FHIT: variants seen among roughly 807,000 people sequenced by gnomAD.
FHIT encodes the protein fragile histidine triad diadenosine triphosphatase.
In FHIT, 19 loss-of-function variants were observed where a neutral mutation model predicts 17.9. The ratio of observed to expected loss-of-function variants is 1.06; its 90% CI spans 0.74 to 1.56. FHIT has a LOEUF of 1.56. Ranked by LOEUF, FHIT falls within the 40% of genes most tolerant of loss-of-function variation. The pLI, the probability that FHIT is intolerant of heterozygous loss-of-function variation, is 0.00. For synonymous variants in FHIT, 81 were observed against 69.7 expected, an observed-to-expected ratio of 1.16 and a Z score of -0.81; for missense variants, 248 against 189.2, an observed-to-expected ratio of 1.31 and a Z score of -1.82.
At chr3:60,435,479 G>C (rs1036473238) in intron 5 of FHIT, among the ~76,000 whole-genome samples, 1 of 151,922 alleles carries the variant, frequency 6.6e-6, no homozygotes, top group African/African-American at 2.4e-5. Context: ...TATGAAGAAT[G>C]GTGCACACGT....
At chr3:60,531,866 T>G (rs1198000151) in intron 5 of FHIT, among the ~76,000 whole-genome samples, 1 of 152,242 alleles carries the variant, frequency 6.6e-6, no homozygotes, top group Non-Finnish European at 1.5e-5. Flanking sequence ...TATTCCGTAT[T>G]AAAAGATATT....
intron 3 of FHIT, among the ~76,000 whole-genome samples, chr3:60,883,763 G>T (rs1705078758): frequency 6.6e-6 from 1 of 152,028 alleles, no homozygotes; most frequent in Non-Finnish European, 1.5e-5. Flanking sequence ...AAAACTAAGA[G>T]GAAAACATTG....
intron 1 of FHIT, among the ~76,000 whole-genome samples, chr3:61,210,340 C>T (rs1340867854): frequency 6.6e-6 from 1 of 152,216 alleles, no homozygotes; most frequent in Non-Finnish European, 1.5e-5. Context: ...AGCTGTCAGA[C>T]AGGGACATTT....
intron 4 of FHIT, among the ~76,000 whole-genome samples, chr3:60,784,414 G>A (rs1553726351): frequency 1.3e-5 from 2 of 149,822 alleles, no homozygotes; most frequent in Non-Finnish European, 2.9e-5. Context: ...TCAGCTGACT[G>A]CAGCCTCTGC....
chr3:60,684,418 G>A (rs1309784621), intron 4 of FHIT, among the ~76,000 whole-genome samples: 4 of 152,152 alleles, frequency 2.6e-5, no homozygotes, highest in South Asian at 2.1e-4. Context: ...CACACTCACC[G>A]AAGGCCACAT....
At chr3:60,673,791 C>G (rs1356079333) in intron 4 of FHIT, among the ~76,000 whole-genome samples, 1 of 151,986 alleles carries the variant, frequency 6.6e-6, no homozygotes, top group Non-Finnish European at 1.5e-5. Flanking sequence ...TGTTGTTCTC[C>G]TATATGTAAT....
At chr3:60,699,469 T>C (rs546436905) in intron 4 of FHIT, among the ~76,000 whole-genome samples, 38 of 152,316 alleles carry the variant, frequency 2.5e-4, no homozygotes, top group Admixed American at 2.2e-3. Context: ...TGATAACTAA[T>C]GGGGCTGAGA....
At chr3:59,953,873 C>T (rs1457639692) in intron 7 of FHIT, among the ~76,000 whole-genome samples, 1 of 152,234 alleles carries the variant, frequency 6.6e-6, no homozygotes, top group African/African-American at 2.4e-5. Context: ...ACCCCCTTCT[C>T]ATTGAGAGGT....
chr3:61,111,619 T>C (rs1052185725), intron 2 of FHIT, among the ~76,000 whole-genome samples: 1 of 152,216 alleles, frequency 6.6e-6, no homozygotes, highest in Non-Finnish European at 1.5e-5. Context: ...CAATGCATGT[T>C]GAAAGAGCTT....
intron 5 of FHIT, among the ~76,000 whole-genome samples, chr3:60,220,396 A>G (rs771258216): frequency 3.3e-5 from 5 of 152,142 alleles, no homozygotes; most frequent in Non-Finnish European, 5.9e-5. Context: ...TATTAAAGTT[A>G]TATTCCTCAA....
chr3:61,181,285 G>A (rs551613159), intron 2 of FHIT, among the ~76,000 whole-genome samples: 1 of 152,088 alleles, frequency 6.6e-6, no homozygotes, highest in Non-Finnish European at 1.5e-5. Flanking sequence ...CAATCAAGAG[G>A]CTATAGCAAA....
At chr3:60,217,433 A>G (rs1703744555) in intron 5 of FHIT, among the ~76,000 whole-genome samples, 2 of 152,188 alleles carry the variant, frequency 1.3e-5, no homozygotes, top group African/African-American at 4.8e-5. Flanking sequence ...ATATTCTGCT[A>G]CACTGGTTTC....
chr3:60,379,831 G>A (rs1034347491), intron 5 of FHIT, among the ~76,000 whole-genome samples: 1 of 152,106 alleles, frequency 6.6e-6, no homozygotes, highest in Non-Finnish European at 1.5e-5. Flanking sequence ...ACTGATGTGC[G>A]TTGCAAAAGA....
intron 5 of FHIT, among the ~76,000 whole-genome samples, chr3:60,440,384 C>G (rs1046180215): frequency 7.9e-5 from 12 of 152,148 alleles, no homozygotes; most frequent in African/African-American, 2.9e-4. Context: ...TTACACAGTG[C>G]CATTCTAATT....
chr3:60,127,805 T>C (rs962976786), intron 5 of FHIT, among the ~76,000 whole-genome samples: 1 of 152,086 alleles, frequency 6.6e-6, no homozygotes, highest in Non-Finnish European at 1.5e-5. Flanking sequence ...CCAATATGTA[T>C]ACATTTGTAG....
At chr3:60,423,878 T>C (rs1035761850) in intron 5 of FHIT, among the ~76,000 whole-genome samples, 2 of 152,144 alleles carry the variant, frequency 1.3e-5, no homozygotes, top group African/African-American at 4.8e-5. Flanking sequence ...CCTAATACCA[T>C]AACAAAATCA....
chr3:59,829,056 T>C (rs1229453283), intron 8 of FHIT, among the ~76,000 whole-genome samples: 1 of 152,192 alleles, frequency 6.6e-6, no homozygotes, highest in Non-Finnish European at 1.5e-5. Context: ...TGCAGAATGA[T>C]GTTTATTTTA....
intron 5 of FHIT, among the ~76,000 whole-genome samples, chr3:60,054,848 G>T (rs1040495690): frequency 1.3e-5 from 2 of 151,966 alleles, no homozygotes; most frequent in Admixed American, 1.3e-4. Flanking sequence ...CTTAGCCTCC[G>T]CAATAATAAT....
intron 3 of FHIT, among the ~76,000 whole-genome samples, chr3:60,946,917 C>A (rs540354727): frequency 6.6e-6 from 1 of 152,188 alleles, no homozygotes; most frequent in South Asian, 2.1e-4. Flanking sequence ...TACTTCTTAG[C>A]CCTTGAAACG....
Sources: gnomAD v4.1 joint callset for allele counts (sites outside exome capture counted in the v4.1 genomes callset) on GRCh38, gnomAD v4.1.1 for gene constraint, MANE v1.5 for transcripts, NCBI Gene and HGNC (gene_info 2026-07-23, HGNC 2026-07-21) for gene names.